The following GOLGA3 variants were observed in gnomAD, a reference collection of about 807,000 sequenced individuals.
The protein encoded by GOLGA3 is golgin subfamily A member 3.
Under a neutral mutation model 169.4 loss-of-function variants are expected in GOLGA3, and 75 were observed. That is an observed-to-expected ratio of 0.44 (90% CI 0.37 to 0.54). GOLGA3 has a LOEUF of 0.54. Ranked by LOEUF, GOLGA3 falls within the 20% of genes least tolerant of loss-of-function variation. GOLGA3 has a pLI of 0.00. For missense variants in GOLGA3, 1,899 were observed against 1,930.0 expected (o/e 0.98, Z 0.30); for synonymous variants, 824 against 822.4 (o/e 1.00, Z -0.03).
intron 18 of GOLGA3, among the ~76,000 whole-genome samples, chr12:132,778,520 G>A (rs1194790632): frequency 6.6e-6 from 1 of 151,514 alleles, no homozygotes; most frequent in Non-Finnish European, 1.5e-5. Context: ...GCAGTGAGCC[G>A]AGATCGCGCC....
intron 18 of GOLGA3, 96 bp downstream of exon 18, chr12:132,780,702 T>C (rs2045551071): frequency 1.3e-6 from 1 of 785,574 alleles, no homozygotes; most frequent in Non-Finnish European, 2.2e-6. Flanking sequence ...TCTGTGTAAC[T>C]GCTGGAAGGA....
At chr12:132,787,203 C>T (rs1403629869) in intron 13 of GOLGA3, among the ~76,000 whole-genome samples, 2 of 152,068 alleles carry the variant, frequency 1.3e-5, no homozygotes, top group African/African-American at 2.4e-5. Flanking sequence ...CCACCTGCCT[C>T]GGCCTCCCAA....
intron 13 of GOLGA3, among the ~76,000 whole-genome samples, chr12:132,788,485 G>A (rs1400247515): frequency 6.6e-6 from 1 of 152,090 alleles, no homozygotes; most frequent in Non-Finnish European, 1.5e-5. Context: ...GCTACCTGCA[G>A]CCGAGAAACT....
intron 16 of GOLGA3, 100 bp downstream of exon 16, chr12:132,784,064 C>T: frequency 1.3e-6 from 2 of 1,564,210 alleles, no homozygotes; most frequent in South Asian, 2.3e-5. Context: ...ACGCTGGGCA[C>T]ACGGTGAAGT....
chr12:132,788,835 C>G (rs2046064376), intron 13 of GOLGA3, among the ~76,000 whole-genome samples, 192 bp downstream of exon 13: 1 of 152,118 alleles, frequency 6.6e-6, no homozygotes, highest in African/African-American at 2.4e-5. Flanking sequence ...GGGACCTATG[C>G]TCCAGGTGGG....
chr12:132,794,031 C>T (rs76649367), intron 11 of GOLGA3, among the ~76,000 whole-genome samples: 5 of 152,188 alleles, frequency 3.3e-5, no homozygotes, highest in Admixed American at 2.0e-4. Context: ...AGCCCCCCTG[C>T]GAAGGATCAA....
chr12:132,809,971 G>A (rs546954960), intron 4 of GOLGA3, among the ~76,000 whole-genome samples: 35 of 152,192 alleles, frequency 2.3e-4, no homozygotes, highest in South Asian at 4.1e-4. Context: ...AAGGCCGGGC[G>A]TGGTGGTTCA....
intron 22 of GOLGA3, 59 bp from the exon 23 acceptor site, chr12:132,774,379 C>G: frequency 6.3e-7 from 1 of 1,586,948 alleles, no homozygotes. Flanking sequence ...GTCAGTCTCA[C>G]TAGCACAGCT....
chr12:132,773,439 A>AAT, intron 23 of GOLGA3, 145 bp from the exon 24 acceptor site: 1 of 433,188 alleles, frequency 2.3e-6, no homozygotes, highest in South Asian at 5.5e-5. Context: ...ACAGAAGCTC[A>AAT]GCTGTTCTCA....
chr12:132,802,346 G>C (rs111232956), intron 7 of GOLGA3, among the ~76,000 whole-genome samples: 3 of 146,746 alleles, frequency 2.0e-5, no homozygotes, highest in African/African-American at 7.5e-5. Context: ...AGATTCTCTA[G>C]GAAATAACAG....
chr12:132,815,470 C>T (rs1949915742), intron 3 of GOLGA3, among the ~76,000 whole-genome samples: 2 of 152,216 alleles, frequency 1.3e-5, no homozygotes, highest in Admixed American at 1.3e-4. Flanking sequence ...GACTTTTTTA[C>T]ATGCTACTTC....
intron 15 of GOLGA3, 116 bp from the exon 16 acceptor site, chr12:132,784,423 C>CT: frequency 2.4e-6 from 2 of 838,830 alleles, no homozygotes; most frequent in Non-Finnish European, 3.8e-6. Flanking sequence ...CACCAGCTGT[C>CT]TGACACAGTC....
At chr12:132,805,673 C>A (rs60339923) in intron 6 of GOLGA3, among the ~76,000 whole-genome samples, 4 of 152,044 alleles carry the variant, frequency 2.6e-5, no homozygotes, top group Admixed American at 1.3e-4. Flanking sequence ...CAGAAAAAGG[C>A]GACTTTCCAA....
chr12:132,780,820 T>C lies in GOLGA3; in HGVS notation c.3560A>G (p.Lys1187Arg). ...CACCTGCTCCTTGAGGCTGTTCACC[T>C]TCTCCTTCTCCTTCTCTAGTGAGGC... ...LQASLEKEKE[K>R]VNSLKEQVAA... is the part of the protein sequence containing the mutation. Residue 1187 changes from lysine to arginine, a missense_variant, in exon 18 of 24, where the codon AAG becomes AGG. Transcript: ENST00000450791. The C allele has an allele frequency of 1.2e-6, 2 of 1,609,540 alleles. No individual in the cohort carries two copies. Among genetic ancestry groups the C allele is most frequent in the Non-Finnish European group, 8.5e-7 (1 of 1,177,942 alleles).
chr12:132,773,469 G>A (rs76846220), intron 23 of GOLGA3, among the ~76,000 whole-genome samples, 175 bp from the exon 24 acceptor site: 16,043 of 152,310 alleles, frequency 0.11, 1,111 homozygotes, highest in Non-Finnish European at 0.16. Flanking sequence ...TCTACACTGT[G>A]CAGAGGACAC....
intron 17 of GOLGA3, among the ~76,000 whole-genome samples, chr12:132,781,301 C>T (rs1047752055): frequency 6.6e-6 from 1 of 152,128 alleles, no homozygotes; most frequent in East Asian, 1.9e-4. Context: ...GTGGCTCACA[C>T]CTGTAATCCC....
intron 18 of GOLGA3, among the ~76,000 whole-genome samples, chr12:132,778,826 C>T (rs1215460698): frequency 6.7e-6 from 1 of 149,548 alleles, no homozygotes; most frequent in African/African-American, 2.5e-5. Context: ...ACCCGGGAGG[C>T]AGAGGTTACA....
Position 132,775,202 on chromosome 12 carries a change from T to C in GOLGA3, c.4082A>G (p.Lys1361Arg), listed in dbSNP as rs1172517325. The change falls in exon 22 of 24, where the codon AAG becomes AGG. Residue 1361 changes from lysine to arginine, a missense_variant. Physicochemically the swap from Lys to Arg is conservative, Grantham distance 26. Transcript: ENST00000450791. ...CTGCTGGTTCTGCTGGAGCAGGGTC[T>C]TCATGTTGTTCTTCAGCTCCGACAC... ...AKVSELKNNM[K>R]TLLQQNQQLK... The C allele has an allele frequency of 6.2e-7, 1 of 1,614,060 alleles. No homozygotes were observed. The highest frequency in any genetic ancestry group is 8.5e-7 in the Non-Finnish European group (1 of 1,179,996).
chr12:132,796,783 A>T (rs1045599312), intron 9 of GOLGA3, 83 bp from the exon 10 acceptor site: 4 of 1,361,532 alleles, frequency 2.9e-6, no homozygotes, highest in Non-Finnish European at 4.1e-6. Flanking sequence ...CTGCAGAGAA[A>T]CCCACCGCCC....
Sources: allele counts gnomAD v4.1 joint callset (sites outside exome capture counted in the v4.1 genomes callset), GRCh38; gene constraint gnomAD v4.1.1; transcripts MANE v1.5; gene names NCBI Gene and HGNC (gene_info 2026-07-23, HGNC 2026-07-21).